MCM3AP: variants seen among roughly 807,000 people sequenced by gnomAD.
MCM3AP encodes minichromosome maintenance complex component 3 associated protein, also known as germinal-center associated nuclear protein.
Under a neutral mutation model 184.1 loss-of-function variants are expected in MCM3AP, and 126 were observed. The ratio of observed to expected loss-of-function variants is 0.68; its 90% CI spans 0.59 to 0.79. The LOEUF (loss-of-function observed/expected upper bound fraction) is 0.79. Ranked by LOEUF, MCM3AP falls within the 30% of genes least tolerant of loss-of-function variation. The pLI, the probability that MCM3AP is intolerant of heterozygous loss-of-function variation, is 0.00. For synonymous variants in MCM3AP, 1,002 were observed against 979.3 expected, an observed-to-expected ratio of 1.02 and a Z score of -0.43; for missense variants, 2,496 against 2,479.2, an observed-to-expected ratio of 1.01 and a Z score of -0.14.
chr21:46,284,669 A>T lies in MCM3AP; in HGVS notation c.618T>A (p.Asn206Lys). 1.2e-6 allele frequency: 2 copies of T among 1,614,184 alleles called. No homozygotes were observed. The highest frequency in any genetic ancestry group is 1.7e-6 in the Non-Finnish European group (2 of 1,180,022). ...QVTSSSATTS[N>K]FTFSKPVSSN... is the part of the protein sequence containing the mutation. Reference sequence around the variant, plus strand: ...TACTAACAGGTTTTGAAAAGGTAAAATTTGAAGTGGTAGCTGAACTACTTG... The same window carrying T: ...TACTAACAGGTTTTGAAAAGGTAAATTTTGAAGTGGTAGCTGAACTACTTG... The change falls in exon 1 of 28, where the codon AAT (asparagine) becomes AAA (lysine). Residue 206 changes from asparagine (N) to lysine (K), a missense_variant. Physicochemically the swap from Asn to Lys is moderately conservative, Grantham distance 94. Transcript: ENST00000291688.
Position 46,251,536 on chromosome 21 carries a change from C to G in MCM3AP, c.4283G>C (p.Cys1428Ser), listed in dbSNP as rs759544909. The G allele has an allele frequency of 4.1e-5, 65 of 1,604,874 alleles. No individual in the cohort carries two copies. The highest frequency in any genetic ancestry group is 5.3e-5 in the Non-Finnish European group (62 of 1,173,276). Residue 1428 changes from cysteine (C) to serine (S), a missense_variant, in exon 20 of 28, where the codon TGT (cysteine) becomes TCT (serine). Cys to Ser is a moderately radical substitution (Grantham distance 112, BLOSUM62 -1). This residue lies in a region of MCM3AP where 1,323 missense variants were observed against 1,273.4 expected (regional missense o/e 1.04). Coordinates refer to ENST00000291688, the MANE Select transcript of MCM3AP (RefSeq NM_003906.5). ...AAAGTAATTATAGTTCACCTTTATACACACGTTAACAGAAATCATCTGATC... is the reference window on the plus strand; with the variant it reads ...AAAGTAATTATAGTTCACCTTTATAGACACGTTAACAGAAATCATCTGATC... The part of the protein sequence containing the change: ...KGDQMISVNV[C>S]IKVAHGALSD...
At chr21:46,261,456 C>T (rs769198306) in intron 13 of MCM3AP, 45 bp from the exon 14 acceptor site, 8 of 1,598,592 alleles carry the variant, frequency 5.0e-6, no homozygotes, top group African/African-American at 2.7e-5. Flanking sequence ...GAGTCAAGGC[C>T]GGGTGCGGTG....
In MCM3AP at chr21:46,285,335, T is replaced by C; in HGVS notation, c.-49A>G. The C allele has an allele frequency of 7.5e-7, 1 of 1,341,998 alleles. No individual in the cohort carries two copies. Among genetic ancestry groups the C allele is most frequent in the Non-Finnish European group, 1.1e-6 (1 of 949,350 alleles). 83.1% of individuals were successfully genotyped at this position (1,341,998 alleles called of 1,614,324 possible). On this transcript the variant is annotated 5_prime_UTR_variant, in exon 1 of 28. Coordinates refer to ENST00000291688, the MANE Select transcript of MCM3AP (RefSeq NM_003906.5). ...TAATTAAGTATTATGTGTACAAAAT[T>C]AATTGGCTTCCTGAAACAGCCTGTA...
In MCM3AP at chr21:46,282,672, G is replaced by A. The variant is rs139387192; in HGVS notation, c.1443+943C>T. ...ACAAAAAAATTAGCCGGGTGTGGTG[G>A]CGGGCGCCTGTAGTTCCAGCTACTC... is the stretch of plus-strand genomic sequence containing the variant. On this transcript the variant is annotated intron_variant, in intron 2 of 27. Transcript: ENST00000291688. Among the ~76,000 whole-genome samples, 1,281 of 151,958 alleles carry A rather than the reference G, an allele frequency of 8.4e-3. 18 individuals are homozygous for A. Among genetic ancestry groups the A allele is most frequent in the African/African-American group, 0.028 (1,160 of 41,470 alleles).
At chr21:46,272,383 T>G (rs754577829) in intron 8 of MCM3AP, among the ~76,000 whole-genome samples, 178 bp downstream of exon 8, 20 of 152,088 alleles carry the variant, frequency 1.3e-4, no homozygotes, top group Admixed American at 2.0e-4. Flanking sequence ...CCATCGCTCT[T>G]CCCCCAGCTC....
chr21:46,272,071 G>A (rs570421705), intron 8 of MCM3AP, among the ~76,000 whole-genome samples: 132 of 152,004 alleles, frequency 8.7e-4, no homozygotes, highest in Non-Finnish European at 1.7e-3. Context: ...GCCAGACTTC[G>A]CATGTAAGTG....
chr21:46,261,931 G>C (rs2145666678), intron 13 of MCM3AP, among the ~76,000 whole-genome samples: 1 of 152,236 alleles, frequency 6.6e-6, no homozygotes, highest in South Asian at 2.1e-4. Context: ...CAGATTTTCA[G>C]ATTTTTAGGT....
intron 7 of MCM3AP, 133 bp from the exon 8 acceptor site, chr21:46,272,962 A>G (rs759274417): frequency 1.0e-4 from 86 of 863,222 alleles, no homozygotes; most frequent in Admixed American, 1.5e-4. Flanking sequence ...TTTTAATAGG[A>G]CTTTGTAGTG....
intron 16 of MCM3AP, among the ~76,000 whole-genome samples, chr21:46,257,921 T>C (rs2080982245): frequency 9.9e-6 from 1 of 100,604 alleles, no homozygotes; most frequent in Non-Finnish European, 1.9e-5. Flanking sequence ...TGAGACTCCA[T>C]CTCAAAAAAA....
intron 27 of MCM3AP, chr21:46,236,284 T>C (rs370735438): frequency 6.6e-6 from 1 of 152,280 alleles, no homozygotes; most frequent in Non-Finnish European, 1.5e-5. Flanking sequence ...ATATCTGTGA[T>C]TGAAACTCTG....
rs773357029 is a variant in MCM3AP, at chr21:46,265,506, C to T, written c.3049G>A (p.Glu1017Lys). The change falls in exon 12 of 28, where the codon GAG becomes AAG. Residue 1017 changes from glutamate (E) to lysine (K), a missense_variant. This residue lies in a region of MCM3AP where 1,323 missense variants were observed against 1,273.4 expected (regional missense o/e 1.04). Transcript: ENST00000291688. The stretch of plus-strand genomic sequence containing the variant: ...GGTGCATCCGGCTCTACACCACACT[C>T]CTCTCCTCTCCCTCCGCCTGGAAGG... ...SDTVGGGRGE[E>K]CGVEPDAPLS... is the part of the protein sequence containing the mutation. 6.3e-7 allele frequency: 1 copy of T among 1,599,266 alleles called. No individual in the cohort carries two copies.
chr21:46,285,504 G>A lies in MCM3AP; in HGVS notation c.-218C>T. The A allele has an allele frequency of 3.7e-6, 2 of 546,558 alleles. No individual in the cohort carries two copies. Among genetic ancestry groups the A allele is most frequent in the Non-Finnish European group, 6.4e-6 (2 of 310,342 alleles). The allele number at this position is 546,558 out of a possible 1,614,324, so 33.9% of individuals were successfully genotyped here. The stretch of plus-strand genomic sequence containing the variant: ...GATAACTATTTCAAAGGCAGGCAAA[G>A]GGTTATTATTTTCTGAGAGCCGATA... On this transcript the variant is annotated 5_prime_UTR_variant, in exon 1 of 28. Transcript: ENST00000291688.
chr21:46,255,557 G>C (rs2080938626), intron 17 of MCM3AP, among the ~76,000 whole-genome samples: 1 of 152,116 alleles, frequency 6.6e-6, no homozygotes, highest in Non-Finnish European at 1.5e-5. Context: ...TGCAAGCCCA[G>C]GTTTGTGCCC....
At chr21:46,270,110 G>C (rs1275733522) in intron 9 of MCM3AP, among the ~76,000 whole-genome samples, 1 of 152,180 alleles carries the variant, frequency 6.6e-6, no homozygotes, top group Non-Finnish European at 1.5e-5. Context: ...TTTTTAGTTA[G>C]CTTTCATGGA....
intron 19 of MCM3AP, 130 bp downstream of exon 19, chr21:46,254,257 AAATCC>A: frequency 1.1e-6 from 1 of 892,908 alleles, no homozygotes; most frequent in South Asian, 1.6e-5. Context: ...AACAGACTGT[AAATCC>A]AAGCATTAAA....
chr21:46,260,056 A>G (rs1199882857), intron 15 of MCM3AP, among the ~76,000 whole-genome samples: 1 of 152,036 alleles, frequency 6.6e-6, no homozygotes, highest in Non-Finnish European at 1.5e-5. Context: ...AGTGTGGGCG[A>G]CAGAGCAAGA....
chr21:46,258,849 A>G (rs1829253673), intron 16 of MCM3AP, 90 bp downstream of exon 16: 1 of 1,412,234 alleles, frequency 7.1e-7, no homozygotes, highest in South Asian at 1.2e-5. Context: ...TTACCACTGA[A>G]TACAGAAACT....
In MCM3AP at chr21:46,252,080, T is replaced by A. The variant is rs190972136; in HGVS notation, c.4137-398A>T. ...AAGGGTCTCACTATGTTGCTCATGC[T>A]GGCCTCAAACTCCTGGGCTCAAGCA... On this transcript the variant is annotated intron_variant, in intron 19 of 27. Coordinates refer to ENST00000291688, the MANE Select transcript of MCM3AP (RefSeq NM_003906.5). 123 of 156,550 alleles carry A rather than the reference T, an allele frequency of 7.9e-4. 1 individual carries two copies. The East Asian group carries it at 0.018, about 22-fold the overall frequency. The allele number at this position is 156,550 out of a possible 1,614,324, so 9.7% of individuals were successfully genotyped here. A position where few individuals can be genotyped will look rare whatever the true frequency, so the allele number is the denominator to read the frequency against.
intron 9 of MCM3AP, among the ~76,000 whole-genome samples, chr21:46,269,089 C>G (rs2081148242): frequency 6.6e-6 from 1 of 152,134 alleles, no homozygotes; most frequent in Non-Finnish European, 1.5e-5. Flanking sequence ...TCTACTAACG[C>G]TCAATCATCG....
Sources: gnomAD v4.1 joint callset for allele counts (sites outside exome capture counted in the v4.1 genomes callset) on GRCh38, gnomAD v4.1.1 for gene constraint, gnomAD v4.1.1 regional missense constraint, MANE v1.5 for transcripts, NCBI Gene and HGNC (gene_info 2026-07-23, HGNC 2026-07-21) for gene names.